Variants in TNC observed in about 807,000 individuals in gnomAD.
TNC encodes tenascin C.
Under a neutral mutation model 202.4 loss-of-function variants are expected in TNC, and 109 were observed. The observed-to-expected ratio is 0.54, with a 90% CI of 0.46 to 0.63. The LOEUF (loss-of-function observed/expected upper bound fraction) is 0.63. TNC is among the 30% of genes least tolerant of loss of function. The pLI is 0.00. For missense variants in TNC, 2,756 were observed against 2,833.3 expected (o/e 0.97, Z 0.62); for synonymous variants, 1,007 against 1,089.7 (o/e 0.92, Z 1.50).
chr9:115,048,191 G>C (rs1010663735), intron 16 of TNC, 69 bp downstream of exon 16: 8 of 1,551,000 alleles, frequency 5.2e-6, no homozygotes, highest in Non-Finnish European at 7.0e-6. Context: ...AAGTCATGGC[G>C]ATCCGGTAGA....
At chr9:115,114,080 A>G (rs892546357) in intron 1 of TNC, among the ~76,000 whole-genome samples, 1 of 152,172 alleles carries the variant, frequency 6.6e-6, no homozygotes, top group African/African-American at 2.4e-5. Flanking sequence ...TGTCTTTTAC[A>G]TTGAATGGAA....
chr9:115,057,104 A>G, intron 15 of TNC, 49 bp downstream of exon 15: 1 of 1,560,654 alleles, frequency 6.4e-7, no homozygotes, highest in Non-Finnish European at 8.7e-7. Context: ...TCACCCTGCA[A>G]AGAAGACTGT....
chr9:115,110,692 A>G (rs1836973104), intron 1 of TNC, among the ~76,000 whole-genome samples: 1 of 152,208 alleles, frequency 6.6e-6, no homozygotes, highest in Admixed American at 6.5e-5. Flanking sequence ...TTTTGGTCAC[A>G]CTGACTGTCT....
chr9:115,048,260 C>T lies in TNC; in HGVS notation c.4852G>A (p.Glu1618Lys). 6.2e-7 allele frequency: 1 copy of T among 1,612,750 alleles called. No homozygotes were observed. The highest frequency in any genetic ancestry group is 8.5e-7 in the Non-Finnish European group (1 of 1,179,272). Residue 1618 changes from glutamate to lysine, a missense_variant and splice_region_variant, in exon 16 of 28, where the codon GAA (glutamate) becomes AAA (lysine). By Grantham distance (56) the Glu-to-Lys change is moderately conservative. This residue lies in a region of TNC where 2,559 missense variants were observed against 2,546.0 expected (regional missense o/e 1.01). Transcript: ENST00000350763. ...TKPLRAEIVTEAEPEVDNLLV... is the reference protein window; with the variant it reads ...TKPLRAEIVTKAEPEVDNLLV... Reference sequence around the variant, plus strand: ...AAATGGCTCACTTGATTTGAAATACCTGTAACAATCTCAGCCCTCAAGGGC... The same window carrying T: ...AAATGGCTCACTTGATTTGAAATACTTGTAACAATCTCAGCCCTCAAGGGC...
chr9:115,052,882 C>T, intron 15 of TNC: 1 of 702,712 alleles, frequency 1.4e-6, no homozygotes, highest in East Asian at 2.7e-5. Context: ...ATTGCTGGGA[C>T]TCATGCAGTG....
At chr9:115,075,194 C>T (rs1833751184) in intron 9 of TNC, among the ~76,000 whole-genome samples, 1 of 151,734 alleles carries the variant, frequency 6.6e-6, no homozygotes, top group Non-Finnish European at 1.5e-5. Flanking sequence ...GCAAACTTCC[C>T]AGAAAAATGG....
rs1835170818 is a variant in TNC, at chr9:115,090,853, T to C, written c.166A>G (p.Ile56Val). The C allele has an allele frequency of 5.6e-6, 9 of 1,614,090 alleles. No individual in the cohort carries two copies. The highest frequency in any genetic ancestry group is 1.3e-5 in the African/African-American group (1 of 74,928). The change falls in exon 2 of 28, where the codon ATC becomes GTC. Residue 56 changes from isoleucine (I) to valine (V), a missense_variant. Coordinates refer to ENST00000350763, the MANE Select transcript of TNC (RefSeq NM_002160.4). ...CACTGGGATCCCACTGGCAGCTTGA[T>C]GTTGTAAACGTGGTTAAACACCACT... ...QPVVFNHVYN[I>V]KLPVGSQCSV...
chr9:115,069,626 C>T (rs867792863), intron 10 of TNC, among the ~76,000 whole-genome samples: 7 of 13,580 alleles, frequency 5.2e-4, no homozygotes, highest in African/African-American at 8.3e-4. Flanking sequence ...CTCTCTCCCT[C>T]CCTCCCTCCC....
In TNC at chr9:115,086,229, C is replaced by G; in HGVS notation, c.1502G>C (p.Cys501Ser). 6.2e-7 allele frequency: 1 copy of G among 1,614,228 alleles called. No homozygotes were observed. The change falls in exon 3 of 28, where the codon TGC becomes TCC. Residue 501 changes from cysteine (C) to serine (S), a missense_variant. Coordinates refer to ENST00000350763, the MANE Select transcript of TNC (RefSeq NM_002160.4). ...GCCCCTGTTGCTGCAGTCCCTGGGG[C>G]ATTGGCGATCCCGGCAGTCTTCCCC... The part of the protein sequence containing the change: ...YTGEDCRDRQ[C>S]PRDCSNRGLC...
In TNC at chr9:115,090,766, C is replaced by T. The variant is rs752099146; in HGVS notation, c.253G>A (p.Glu85Lys). 32 of 1,614,098 alleles carry T rather than the reference C, an allele frequency of 2.0e-5. No individual in the cohort carries two copies. Among genetic ancestry groups the T allele is most frequent in the African/African-American group, 9.3e-5 (7 of 74,934 alleles). The change falls in exon 2 of 28, where the codon GAA (glutamate) becomes AAA (lysine). Residue 85 changes from glutamate (E) to lysine (K), a missense_variant. This residue lies in a region of TNC where 2,559 missense variants were observed against 2,546.0 expected (regional missense o/e 1.01). Transcript: ENST00000350763. ...TCCACTGTGTGCTCCTGAAAGCTTT[C>T]GCTGGGCTCTGAAGGCGGTGCCAGG... ...KDLAPPSEPS[E>K]SFQEHTVDGE... is the part of the protein sequence containing the mutation.
chr9:115,045,723 GA>G (rs1227232454), intron 17 of TNC, among the ~76,000 whole-genome samples: 3 of 147,888 alleles, frequency 2.0e-5, no homozygotes, highest in African/African-American at 5.0e-5. Flanking sequence ...TTTTCTCCTT[GA>G]AACAGCTCCT....
chr9:115,096,264 ATT>A (rs1198890141), intron 1 of TNC, among the ~76,000 whole-genome samples: 3 of 152,304 alleles, frequency 2.0e-5, no homozygotes, highest in African/African-American at 7.2e-5. Context: ...CTTCGAATTC[ATT>A]GGTCTTGAAT....
intron 17 of TNC, among the ~76,000 whole-genome samples, chr9:115,045,716 T>TC (rs1831133363): frequency 1.3e-5 from 2 of 151,532 alleles, no homozygotes; most frequent in East Asian, 3.9e-4. Context: ...TTTTTTTTTT[T>TC]CTCCTTGAAA....
In TNC at chr9:115,028,771, T is replaced by C. The variant is rs186977656; in HGVS notation, c.6169+589A>G. Among the ~76,000 whole-genome samples, 35 of 152,032 alleles carry C rather than the reference T, an allele frequency of 2.3e-4. No individual in the cohort carries two copies. The East Asian group carries it at 6.6e-3, about 29-fold the overall frequency. On this transcript the variant is annotated intron_variant, in intron 25 of 27. Coordinates refer to ENST00000350763, the MANE Select transcript of TNC (RefSeq NM_002160.4). ...TATCTTATGTAAAGTGCCGATTTAC[T>C]GAGTGTGAGATGAATACAAAATTGA...
rs919711258 is a variant in TNC at position 115,046,632 on chromosome 9, C to T, written c.4903G>A (p.Gly1635Ser). 6 of 1,613,668 alleles carry T rather than the reference C, an allele frequency of 3.7e-6. No homozygotes were observed. The highest frequency in any genetic ancestry group is 1.7e-4 in the Middle Eastern group (1 of 5,934). Residue 1635 changes from glycine (G) to serine (S), a missense_variant, in exon 17 of 28, where the codon GGT becomes AGT. Gly to Ser is a moderately conservative substitution (Grantham distance 56). Transcript: ENST00000350763. ...TCAGCTGTCCAGGACAGACGGAAAC[C>T]GTCTGGGGTGGCATCTGAAACCAGA... ...NLLVSDATPD[G>S]FRLSWTADEG...
Position 115,080,259 on chromosome 9 carries a change from C to G in TNC, c.2404+1513G>C, listed in dbSNP as rs7874496. Reference sequence around the variant, plus strand: ...GAGCAGTGAAAAAAAAAGTTCAGTGCACCTCCTCCATAGCAACTAAGCATT... The same window carrying G: ...GAGCAGTGAAAAAAAAAGTTCAGTGGACCTCCTCCATAGCAACTAAGCATT... On this transcript the variant is annotated intron_variant, in intron 6 of 27. Coordinates refer to ENST00000350763, the MANE Select transcript of TNC (RefSeq NM_002160.4). 6.4e-3 allele frequency among the ~76,000 whole-genome samples: 967 copies of G among 152,254 alleles called. 10 individuals carry two copies. Among genetic ancestry groups the G allele is most frequent in the African/African-American group, 0.023 (938 of 41,540 alleles).
chr9:115,070,514 T>A (rs1228218821), intron 10 of TNC, among the ~76,000 whole-genome samples: 1 of 152,146 alleles, frequency 6.6e-6, no homozygotes, highest in Non-Finnish European at 1.5e-5. Context: ...CATGGCTGGG[T>A]CTTTGGGCGA....
chr9:115,029,939 A>G (rs1414730542), intron 24 of TNC, among the ~76,000 whole-genome samples: 1 of 152,236 alleles, frequency 6.6e-6, no homozygotes. Context: ...ATGCTTAGTC[A>G]GTGCTAATTA....
At chr9:115,035,882 C>G (rs143856420) in intron 21 of TNC, 6 of 529,350 alleles carry the variant, frequency 1.1e-5, no homozygotes. Context: ...TTTCCTTCCC[C>G]GTGGGGAGAC....
Sources: gnomAD v4.1 joint callset for allele counts (sites outside exome capture counted in the v4.1 genomes callset) on GRCh38, gnomAD v4.1.1 for gene constraint, gnomAD v4.1.1 regional missense constraint, MANE v1.5 for transcripts, NCBI Gene and HGNC (gene_info 2026-07-23, HGNC 2026-07-21) for gene names.